Variants in ADAM12 observed in about 807,000 individuals in gnomAD.
ADAM12 encodes disintegrin and metalloproteinase domain-containing protein 12.
ADAM12 carries 70 observed loss-of-function variants against 106.4 expected under a neutral mutation model. The ratio of observed to expected loss-of-function variants is 0.66; its 90% confidence interval spans 0.54 to 0.80. The LOEUF (loss-of-function observed/expected upper bound fraction) is 0.80, where lower values mean the gene tolerates loss of function less well. ADAM12 is among the 30% of genes least tolerant of loss of function. ADAM12 has a pLI of 0.00. For synonymous variants in ADAM12, 420 were observed against 433.5 expected (o/e 0.97, Z 0.39); for missense variants, 1,010 against 1,171.9 (o/e 0.86, Z 2.02).
intron 3 of ADAM12, among the ~76,000 whole-genome samples, chr10:126,248,028 T>C (rs1191649918): frequency 1.3e-5 from 2 of 152,112 alleles, no homozygotes; most frequent in Admixed American, 6.5e-5. Flanking sequence ...GGAGAAGGTA[T>C]CAGATGTGGG....
intron 4 of ADAM12, among the ~76,000 whole-genome samples, chr10:126,145,899 G>A (rs1041100221): frequency 1.3e-5 from 2 of 152,234 alleles, no homozygotes; most frequent in African/African-American, 4.8e-5. Context: ...CCACTGTGGA[G>A]GGTGATACTG....
chr10:126,112,332 C>G (rs1955885536), intron 6 of ADAM12, among the ~76,000 whole-genome samples: 1 of 150,744 alleles, frequency 6.6e-6, no homozygotes, highest in Non-Finnish European at 1.5e-5. Context: ...GCACATGTAT[C>G]CTGTTTTTTT....
At chr10:126,285,276 C>T (rs1447835601) in intron 2 of ADAM12, among the ~76,000 whole-genome samples, 1 of 152,196 alleles carries the variant, frequency 6.6e-6, no homozygotes, top group Non-Finnish European at 1.5e-5. Context: ...AAAGTCATGG[C>T]AAAGTTCAAC....
chr10:126,183,513 A>T (rs1222252921), intron 3 of ADAM12, among the ~76,000 whole-genome samples: 1 of 152,252 alleles, frequency 6.6e-6, no homozygotes, highest in Non-Finnish European at 1.5e-5. Flanking sequence ...ACCTTCCTGG[A>T]AAAGCAGAAC....
intron 3 of ADAM12, among the ~76,000 whole-genome samples, chr10:126,243,208 T>A (rs1271978622): frequency 6.6e-6 from 1 of 152,226 alleles, no homozygotes; most frequent in African/African-American, 2.4e-5. Flanking sequence ...ACCCTTAGCC[T>A]GAGGATCCTG....
intron 1 of ADAM12, among the ~76,000 whole-genome samples, chr10:126,383,721 A>T (rs1372267702): frequency 6.6e-6 from 1 of 152,124 alleles, no homozygotes; most frequent in Non-Finnish European, 1.5e-5. Context: ...AGAAAATATG[A>T]TTTCTTTCTT....
intron 2 of ADAM12, among the ~76,000 whole-genome samples, chr10:126,316,355 G>A (rs1429582823): frequency 1.3e-5 from 2 of 152,096 alleles, no homozygotes; most frequent in Non-Finnish European, 2.9e-5. Flanking sequence ...ATCTCTAATC[G>A]TAATTTCTTC....
At chr10:126,025,580 A>C (rs551788548) in intron 21 of ADAM12, among the ~76,000 whole-genome samples, 1 of 152,258 alleles carries the variant, frequency 6.6e-6, no homozygotes, top group African/African-American at 2.4e-5. Flanking sequence ...TACCCAAAAG[A>C]GACGGGCAGA....
intron 3 of ADAM12, among the ~76,000 whole-genome samples, chr10:126,194,867 G>T (rs560419895): frequency 3.3e-5 from 5 of 152,262 alleles, no homozygotes; most frequent in African/African-American, 1.2e-4. Context: ...TCAAAACTTT[G>T]TCTCAACGGG....
intron 3 of ADAM12, among the ~76,000 whole-genome samples, chr10:126,195,515 C>T (rs1957580865): frequency 6.6e-6 from 1 of 152,122 alleles, no homozygotes; most frequent in Admixed American, 6.5e-5. Context: ...GCAGAGGTTG[C>T]AGTGAGCCAA....
chr10:126,042,956 C>T, intron 18 of ADAM12, 84 bp downstream of exon 18: 1 of 1,350,570 alleles, frequency 7.4e-7, no homozygotes, highest in Non-Finnish European at 1.0e-6. Flanking sequence ...GTTGGCTCTA[C>T]CTGCACCCAT....
chr10:126,270,892 C>T (rs1275240770), intron 3 of ADAM12, among the ~76,000 whole-genome samples: 3 of 152,196 alleles, frequency 2.0e-5, no homozygotes, highest in African/African-American at 7.2e-5. Context: ...CAGTGGAGCA[C>T]TGACATTGCC....
At chr10:126,084,288 C>G (rs1354491891) in intron 11 of ADAM12, among the ~76,000 whole-genome samples, 1 of 152,138 alleles carries the variant, frequency 6.6e-6, no homozygotes, top group Non-Finnish European at 1.5e-5. Context: ...TTTCTTCCTG[C>G]ACCAAGTCCT....
At chr10:126,158,462 A>G (rs1565102620) in intron 3 of ADAM12, among the ~76,000 whole-genome samples, 3 of 92,794 alleles carry the variant, frequency 3.2e-5, no homozygotes, top group Non-Finnish European at 4.4e-5. Flanking sequence ...CGGGGAGAGA[A>G]TGCACAGAGC....
At chr10:126,068,757 A>G (rs1954925162) in intron 12 of ADAM12, among the ~76,000 whole-genome samples, 1 of 152,208 alleles carries the variant, frequency 6.6e-6, no homozygotes, top group Admixed American at 6.5e-5. Context: ...TTAGTCCTCA[A>G]TAGAGAAGTC....
At chr10:126,333,396 T>TC (rs1269747370) in intron 1 of ADAM12, among the ~76,000 whole-genome samples, 1 of 152,242 alleles carries the variant, frequency 6.6e-6, no homozygotes, top group Non-Finnish European at 1.5e-5. Flanking sequence ...TGGAAGGTTT[T>TC]CACCCAGGCC....
chr10:126,027,995 T>A (rs1283377342), intron 21 of ADAM12, among the ~76,000 whole-genome samples: 2 of 152,166 alleles, frequency 1.3e-5, no homozygotes, highest in Non-Finnish European at 2.9e-5. Flanking sequence ...CAACAAAGTC[T>A]CAGTATATAA....
In ADAM12 at chr10:126,083,813, C is replaced by T. The variant is rs376699508; in HGVS notation, c.1145+10172G>A. Reference sequence around the variant, plus strand: ...GAGTCAGCCCACTCTGCCTGCCCAGCGGTGCACAGGGACACAGCTCTGACC... The same window carrying T: ...GAGTCAGCCCACTCTGCCTGCCCAGTGGTGCACAGGGACACAGCTCTGACC... On this transcript the variant is annotated intron_variant, in intron 11 of 22. Coordinates refer to ENST00000448723, the MANE Select transcript of ADAM12 (RefSeq NM_001288973.2). 2.1e-4 allele frequency among the ~76,000 whole-genome samples: 32 copies of T among 152,340 alleles called. No individual in the cohort carries two copies. In the South Asian group the frequency reaches 3.1e-3, roughly 15 times the overall value.
At chr10:126,055,214 C>T (rs1253753670) in intron 14 of ADAM12, among the ~76,000 whole-genome samples, 2 of 152,212 alleles carry the variant, frequency 1.3e-5, no homozygotes, top group East Asian at 3.9e-4. Context: ...CAAATCCCAG[C>T]TGGTTCTGGG....
Sources: gnomAD v4.1 joint callset for allele counts (sites outside exome capture counted in the v4.1 genomes callset) on GRCh38, gnomAD v4.1.1 for gene constraint, MANE v1.5 for transcripts, NCBI Gene and HGNC (gene_info 2026-07-23, HGNC 2026-07-21) for gene names.